The following RNF150 variants were observed in gnomAD, a reference collection of about 807,000 sequenced individuals.
RNF150 encodes the protein ring finger protein 150.
In RNF150, 24 loss-of-function variants were observed where a neutral mutation model predicts 39.3. The observed-to-expected ratio is 0.61, with a 90% confidence interval of 0.44 to 0.86. RNF150 has a LOEUF of 0.86. RNF150 is among the 40% of genes least tolerant of loss of function. RNF150 has a pLI of 0.00. For missense variants in RNF150, 502 were observed against 587.8 expected, an observed-to-expected ratio of 0.85 and a Z score of 1.51; for synonymous variants, 255 against 227.3, an observed-to-expected ratio of 1.12 and a Z score of -1.10.
chr4:141,208,530 T>A (rs1728413610), intron 1 of RNF150, among the ~76,000 whole-genome samples: 1 of 152,212 alleles, frequency 6.6e-6, no homozygotes, highest in Non-Finnish European at 1.5e-5. Context: ...TTTTTCTGTG[T>A]TTATACAGAA....
At chr4:141,110,219 T>C (rs1353247459) in intron 1 of RNF150, among the ~76,000 whole-genome samples, 3 of 152,144 alleles carry the variant, frequency 2.0e-5, no homozygotes, top group African/African-American at 7.2e-5. Flanking sequence ...CCTTCCTTAC[T>C]GGAGACAGCA....
At chr4:141,097,255 C>G (rs1738825103) in intron 1 of RNF150, among the ~76,000 whole-genome samples, 1 of 152,164 alleles carries the variant, frequency 6.6e-6, no homozygotes, top group Admixed American at 6.5e-5. Flanking sequence ...CGTTCAGTGT[C>G]AGAAACACCC....
chr4:140,933,950 T>A (rs1731743170), intron 4 of RNF150, among the ~76,000 whole-genome samples: 1 of 152,228 alleles, frequency 6.6e-6, no homozygotes, highest in African/African-American at 2.4e-5. Flanking sequence ...GCTAATGGGC[T>A]TGATCTGAAA....
chr4:141,073,335 C>T (rs1010554610), intron 1 of RNF150, among the ~76,000 whole-genome samples: 2 of 152,136 alleles, frequency 1.3e-5, no homozygotes, highest in Non-Finnish European at 2.9e-5. Flanking sequence ...TTCTTCCTAA[C>T]CCATGTTTCC....
intron 1 of RNF150, among the ~76,000 whole-genome samples, chr4:140,993,102 C>G (rs1278600693): frequency 6.6e-6 from 1 of 152,156 alleles, no homozygotes; most frequent in African/African-American, 2.4e-5. Context: ...GAGATTGCCA[C>G]AACTCAGGCC....
chr4:141,132,380 C>T lies in RNF150; in HGVS notation c.429G>A (p.Val143=). Residue 143 remains valine, a synonymous_variant, in exon 1 of 7, where the codon GTG becomes GTA. Transcript: ENST00000515673. This position sits in a 1 kb window ranked among gnomAD's most constrained non-coding sequence, Gnocchi z 4.9. Reference sequence around the variant, plus strand: ...TGTTGGAGCCCACGTTGAAGATGACCACGGCTGAGGCGTTCTGCAGGAACG... The same window carrying T: ...TGTTGGAGCCCACGTTGAAGATGACTACGGCTGAGGCGTTCTGCAGGAACG... The part of the protein sequence containing the change: ...RNAFLQNASA[V]VIFNVGSNTN... The T allele has an allele frequency of 6.2e-7, 1 of 1,600,832 alleles. No homozygotes were observed.
chr4:140,886,939 C>G (rs1175201575), intron 6 of RNF150, among the ~76,000 whole-genome samples: 1 of 152,190 alleles, frequency 6.6e-6, no homozygotes, highest in Non-Finnish European at 1.5e-5. Flanking sequence ...TTAGCTTTTA[C>G]ATAGAGATCT....
At position 140,960,878 on chromosome 4, in the gene RNF150, G is replaced by A. The variant is rs143828017; in HGVS notation, c.735+6745C>T. 3.0e-3 allele frequency among the ~76,000 whole-genome samples: 464 copies of A among 152,168 alleles called. 4 individuals are homozygous for A. Among genetic ancestry groups the A allele is most frequent in the African/African-American group, 0.011 (436 of 41,522 alleles). Reference sequence around the variant, plus strand: ...CCAAGAATTGCTTTATCCACTAAACGTGACCCATTTAACAACCCTCTAATA... The same window carrying A: ...CCAAGAATTGCTTTATCCACTAAACATGACCCATTTAACAACCCTCTAATA... On this transcript the variant is annotated intron_variant, in intron 2 of 6. Coordinates refer to ENST00000515673, the MANE Select transcript of RNF150 (RefSeq NM_020724.2).
At chr4:140,883,340 A>G (rs751317269) in intron 6 of RNF150, among the ~76,000 whole-genome samples, 1 of 152,114 alleles carries the variant, frequency 6.6e-6, no homozygotes, top group Non-Finnish European at 1.5e-5. Context: ...AGTATTGTGT[A>G]TTTGTCTACA....
chr4:141,059,367 TA>T (rs1035943184), intron 1 of RNF150, among the ~76,000 whole-genome samples: 2 of 152,000 alleles, frequency 1.3e-5, no homozygotes, highest in East Asian at 1.9e-4. Context: ...TAAACTAGGT[TA>T]AAAAAAAGTT....
At chr4:141,148,601 C>T (rs576633791) in intron 1 of RNF150, among the ~76,000 whole-genome samples, 2 of 152,018 alleles carry the variant, frequency 1.3e-5, no homozygotes, top group Non-Finnish European at 2.9e-5. Flanking sequence ...CTACCATACC[C>T]GGCTACTTCT....
At chr4:141,135,447 AAGAC>A (rs1727015383), upstream of RNF150, among the ~76,000 whole-genome samples, 1 of 152,248 alleles carries the variant, frequency 6.6e-6, no homozygotes, top group Non-Finnish European at 1.5e-5. Context: ...GTATGTCAAA[AAGAC>A]AGAAGAGCCA....
At chr4:141,122,263 G>C (rs527594135) in intron 1 of RNF150, among the ~76,000 whole-genome samples, 6 of 152,308 alleles carry the variant, frequency 3.9e-5, no homozygotes, top group Non-Finnish European at 2.9e-5. Context: ...TTCACCATCA[G>C]TAATCATGAT....
chr4:140,971,605 G>A (rs1404320485), intron 1 of RNF150, among the ~76,000 whole-genome samples: 1 of 152,162 alleles, frequency 6.6e-6, no homozygotes, highest in African/African-American at 2.4e-5. Context: ...GAGAAAATGT[G>A]TGACCAGGAC....
At chr4:140,926,132 C>G in intron 4 of RNF150, 59 bp from the exon 5 acceptor site, 4 of 1,209,024 alleles carry the variant, frequency 3.3e-6, no homozygotes, top group Non-Finnish European at 3.7e-6. Context: ...CCTGGTCCAC[C>G]ATGGCCCAGG....
chr4:140,869,441 T>C (rs778982565), intron 6 of RNF150, among the ~76,000 whole-genome samples: 5 of 152,204 alleles, frequency 3.3e-5, no homozygotes, highest in Non-Finnish European at 5.9e-5. Flanking sequence ...TCAATGAACA[T>C]ACATCACTTA....
chr4:140,913,288 C>A (rs536571737), intron 5 of RNF150, among the ~76,000 whole-genome samples: 91 of 152,182 alleles, frequency 6.0e-4, no homozygotes, highest in African/African-American at 2.1e-3. Context: ...AAAACAAAAA[C>A]CATGGGTATG....
intron 1 of RNF150, among the ~76,000 whole-genome samples, chr4:141,127,548 T>C (rs564375024): frequency 1.3e-5 from 2 of 152,182 alleles, no homozygotes; most frequent in African/African-American, 4.8e-5. Flanking sequence ...AATCCATACA[T>C]TGAACTCTGA....
intron 1 of RNF150, among the ~76,000 whole-genome samples, chr4:141,081,915 G>A (rs1207001202): frequency 6.6e-6 from 1 of 152,200 alleles, no homozygotes. Flanking sequence ...TTTCAAAACC[G>A]TAAACTGTTC....
Sources: gnomAD v4.1 joint callset for allele counts (sites outside exome capture counted in the v4.1 genomes callset) on GRCh38, gnomAD v4.1.1 for gene constraint, Gnocchi (gnomAD v3.1) non-coding constraint, MANE v1.5 for transcripts, NCBI Gene and HGNC (gene_info 2026-07-23, HGNC 2026-07-21) for gene names.